The following SLC28A3 variants were observed in gnomAD, a reference collection of about 807,000 sequenced individuals.
SLC28A3 encodes concentrative Na(+)-nucleoside cotransporter 3.
SLC28A3 carries 68 observed loss-of-function variants against 84.2 expected under a neutral mutation model. The observed-to-expected ratio is 0.81, with a 90% CI of 0.66 to 0.99. The LOEUF (loss-of-function observed/expected upper bound fraction) is 0.99, where lower values mean the gene tolerates loss of function less well. SLC28A3 is among the 50% of genes least tolerant of loss of function. The probability of loss-of-function intolerance (pLI) is 0.00; values close to 1 mark genes in which losing one functional copy is unlikely to be tolerated. For synonymous variants in SLC28A3, 267 were observed against 303.6 expected (o/e 0.88, Z 1.25); for missense variants, 712 against 841.5 (o/e 0.85, Z 1.90).
At chr9:84,301,531 G>A (rs975627306) in intron 5 of SLC28A3, among the ~76,000 whole-genome samples, 11 of 152,086 alleles carry the variant, frequency 7.2e-5, no homozygotes, top group Admixed American at 5.9e-4. Flanking sequence ...ATAGCCCCAT[G>A]GGTCATGAAA....
the SLC28A3 span, among the ~76,000 whole-genome samples, chr9:84,351,316 T>C: frequency 6.6e-6 from 1 of 152,150 alleles, no homozygotes. Flanking sequence ...TTGACTAAAA[T>C]GATGTTTCAA....
At chr9:84,302,058 C>T in intron 5 of SLC28A3, 142 bp downstream of exon 5, 1 of 714,708 alleles carries the variant, frequency 1.4e-6, no homozygotes, top group South Asian at 2.0e-5. Context: ...AAAATGAAGA[C>T]ATTGTAACAG....
At chr9:84,323,729 C>T (rs182537116) in intron 1 of SLC28A3, among the ~76,000 whole-genome samples, 5 of 151,980 alleles carry the variant, frequency 3.3e-5, no homozygotes, top group Non-Finnish European at 4.4e-5. Context: ...AGGATATAAT[C>T]GGGCCACTGT....
chr9:84,320,061 T>TTG (rs1564170496), intron 1 of SLC28A3, among the ~76,000 whole-genome samples: 13 of 137,070 alleles, frequency 9.5e-5, no homozygotes, highest in African/African-American at 3.7e-4. Flanking sequence ...TTTTTTTTTT[T>TTG]TTTTTTGAGA....
chr9:84,310,659 T>C (rs1825958399), intron 2 of SLC28A3: 44 of 918,902 alleles, frequency 4.8e-5, no homozygotes, highest in Non-Finnish European at 5.6e-5. Context: ...AATCCTATAA[T>C]TCCACGAGGC....
chr9:84,359,462 G>A, the SLC28A3 span, among the ~76,000 whole-genome samples: 1 of 152,102 alleles, frequency 6.6e-6, no homozygotes, highest in African/African-American at 2.4e-5. Context: ...GAGGGAGTAA[G>A]GAACAGAATA....
At position 84,302,337 on chromosome 9, in the gene SLC28A3, A is replaced by C; in HGVS notation, c.387T>G (p.Leu129=). 1 of 1,614,126 alleles carries C rather than the reference A, an allele frequency of 6.2e-7. No homozygotes were observed. The highest frequency in any genetic ancestry group is 8.5e-7 in the Non-Finnish European group (1 of 1,179,996). ...CAGCCACGGTGATCACAAAAAGAGG[A>C]AGGGCTCTGTGAAAGTTCAGCACAC... is the stretch of plus-strand genomic sequence containing the variant. ...SACVLNFHRA[L]PLFVITVAAI... The change falls in exon 5 of 18, where the codon CTT becomes CTG. Residue 129 remains leucine (L), a synonymous_variant. Coordinates refer to ENST00000376238, the MANE Select transcript of SLC28A3 (RefSeq NM_001199633.2).
intron 2 of SLC28A3, among the ~76,000 whole-genome samples, chr9:84,312,470 T>G (rs1826021730): frequency 6.6e-6 from 1 of 152,068 alleles, no homozygotes; most frequent in Non-Finnish European, 1.5e-5. Flanking sequence ...ATTGTCTACT[T>G]TAAAAAAAAG....
chr9:84,308,098 CAT>C (rs769145946), intron 3 of SLC28A3, among the ~76,000 whole-genome samples: 2 of 152,142 alleles, frequency 1.3e-5, no homozygotes, highest in African/African-American at 4.8e-5. Flanking sequence ...TCTTCTGATA[CAT>C]ATAACAAAGT....
the SLC28A3 span, among the ~76,000 whole-genome samples, chr9:84,348,337 G>A: frequency 9.6e-4 from 128 of 133,926 alleles, no homozygotes; most frequent in African/African-American, 3.6e-3. Flanking sequence ...CTGAGTGACG[G>A]AGCAAGACTC....
At chr9:84,363,048 G>A in the SLC28A3 span, among the ~76,000 whole-genome samples, 10 of 152,146 alleles carry the variant, frequency 6.6e-5, no homozygotes, top group African/African-American at 1.9e-4. Flanking sequence ...CAGTACCATT[G>A]CTTTATTTAC....
intron 11 of SLC28A3, among the ~76,000 whole-genome samples, chr9:84,289,359 C>G (rs1206942682): frequency 6.6e-6 from 1 of 152,214 alleles, no homozygotes; most frequent in Non-Finnish European, 1.5e-5. Context: ...CTGTGTTACT[C>G]AGTTTCAATA....
rs1418897369 is a variant in SLC28A3, at chr9:84,280,781, A to G, written c.1729+20T>C. 1 of 1,612,818 alleles carries G rather than the reference A, an allele frequency of 6.2e-7. No homozygotes were observed. The highest frequency in any genetic ancestry group is 8.5e-7 in the Non-Finnish European group (1 of 1,178,886). ...GTCTATGGCACATCTGTGTTGTTGA[A>G]GAATGTTCTTTTCACTTACTGAGTC... On this transcript the variant is annotated intron_variant, in intron 15 of 17. Coordinates refer to ENST00000376238, the MANE Select transcript of SLC28A3 (RefSeq NM_001199633.2).
chr9:84,341,356 G>A (rs1002900526), upstream of SLC28A3, among the ~76,000 whole-genome samples: 2 of 135,720 alleles, frequency 1.5e-5, no homozygotes, highest in African/African-American at 6.8e-5. Flanking sequence ...GTGGTGGGGT[G>A]GAGGGTGAGT....
At chr9:84,340,530 T>A (rs756288208) in intron 1 of SLC28A3, 44 bp downstream of exon 1, 1 of 1,606,524 alleles carries the variant, frequency 6.2e-7, no homozygotes, top group Non-Finnish European at 8.5e-7. Context: ...AAAGGGCAGC[T>A]TTTCCACTGA....
intron 1 of SLC28A3, among the ~76,000 whole-genome samples, chr9:84,333,320 G>A (rs1196164764): frequency 6.6e-6 from 1 of 152,126 alleles, no homozygotes; most frequent in African/African-American, 2.4e-5. Context: ...GGCAAAACAT[G>A]GGGGAAGCGT....
At chr9:84,289,144 C>T (rs947159304) in intron 11 of SLC28A3, among the ~76,000 whole-genome samples, 1 of 152,138 alleles carries the variant, frequency 6.6e-6, no homozygotes, top group African/African-American at 2.4e-5. Context: ...GTTCCTGTTC[C>T]CCCCAGAACA....
chr9:84,356,522 C>A, the SLC28A3 span, among the ~76,000 whole-genome samples: 9 of 152,072 alleles, frequency 5.9e-5, no homozygotes, highest in African/African-American at 1.9e-4. Context: ...ATACACCAAT[C>A]CTATTTTTCT....
In SLC28A3 at chr9:84,305,258, T is replaced by C; in HGVS notation, c.330A>G (p.Leu110=). Residue 110 remains leucine, a synonymous_variant, in exon 4 of 18, where the codon TTA becomes TTG. Transcript: ENST00000376238. ...TLRHIIWGIL[L]AGYLVMVISA... ...CTAACCATCTTTGTTATTTACCTGCTAATAAAATGCCCCAGATGATGTGCC... is the reference window on the plus strand; with the variant it reads ...CTAACCATCTTTGTTATTTACCTGCCAATAAAATGCCCCAGATGATGTGCC... 4 of 1,609,476 alleles carry C rather than the reference T, an allele frequency of 2.5e-6. No individual in the cohort carries two copies. The highest frequency in any genetic ancestry group is 3.4e-6 in the Non-Finnish European group (4 of 1,178,324).
Sources: gnomAD v4.1 joint callset for allele counts (sites outside exome capture counted in the v4.1 genomes callset) on GRCh38, gnomAD v4.1.1 for gene constraint, MANE v1.5 for transcripts, NCBI Gene and HGNC (gene_info 2026-07-23, HGNC 2026-07-21) for gene names.